The following OTOGL variants were observed in gnomAD, a reference collection of about 807,000 sequenced individuals.
OTOGL encodes otogelin like, also known as otogelin-like protein.
A neutral mutation model predicts 318.5 loss-of-function variants in OTOGL; 285 were observed. The ratio of observed to expected loss-of-function variants is 0.89; its 90% CI spans 0.81 to 0.99. OTOGL has a LOEUF of 0.99. Among genes scored for constraint, OTOGL ranks in the 50% least tolerant of loss-of-function variants. OTOGL has a pLI of 0.00. For missense variants in OTOGL, 2,899 were observed against 2,845.6 expected, an observed-to-expected ratio of 1.02 and a Z score of -0.43; for synonymous variants, 987 against 936.5, an observed-to-expected ratio of 1.05 and a Z score of -0.99.
At position 80,313,575 on chromosome 12, in the gene OTOGL, G is replaced by A. The variant is rs777291867; in HGVS notation, c.3550G>A (p.Ala1184Thr). 6.2e-7 allele frequency: 1 copy of A among 1,612,324 alleles called. No individual in the cohort carries two copies. Among genetic ancestry groups the A allele is most frequent in the Non-Finnish European group, 8.5e-7 (1 of 1,178,636 alleles). Residue 1184 changes from alanine (A) to threonine (T), a missense_variant, in exon 31 of 59, where the codon GCA becomes ACA. By Grantham distance (58) the Ala-to-Thr change is moderately conservative. Transcript: ENST00000547103. ...TTTGTGCACTAGTATAGCTGCATAT[G>A]CATACAAGTGTTGTCAGGAAGGAAT... is the stretch of plus-strand genomic sequence containing the variant. ...ECLCTSIAAYAYKCCQEGISI... is the reference protein window; with the variant it reads ...ECLCTSIAAYTYKCCQEGISI...
chr12:80,152,564 C>T (rs1373398328), intron 1 of OTOGL, among the ~76,000 whole-genome samples: 2 of 152,156 alleles, frequency 1.3e-5, no homozygotes, highest in Non-Finnish European at 2.9e-5. Flanking sequence ...GTAAAACAGT[C>T]TATGGATGTA....
At chr12:80,277,590 A>G (rs1172177110) in intron 24 of OTOGL, among the ~76,000 whole-genome samples, 1 of 151,288 alleles carries the variant, frequency 6.6e-6, no homozygotes, top group Non-Finnish European at 1.5e-5. Flanking sequence ...TAACACTTGA[A>G]GGAAAACCAA....
At chr12:80,336,245 T>C (rs1042074555) in intron 39 of OTOGL, 105 bp downstream of exon 39, 32 of 1,369,346 alleles carry the variant, frequency 2.3e-5, no homozygotes, top group East Asian at 7.7e-5. Context: ...GTTACTGTTT[T>C]TGAGTTTTCA....
chr12:80,335,624 G>A (rs1284347887), intron 38 of OTOGL, among the ~76,000 whole-genome samples: 2 of 151,892 alleles, frequency 1.3e-5, no homozygotes, highest in Non-Finnish European at 2.9e-5. Context: ...TGATATACTA[G>A]CTTTGCACAA....
intron 1 of OTOGL, among the ~76,000 whole-genome samples, chr12:80,183,857 T>C (rs561152324): frequency 9.8e-5 from 15 of 152,304 alleles, no homozygotes; most frequent in South Asian, 8.3e-4. Context: ...TCTCAAATTG[T>C]AGTCATTGGA....
At chr12:80,101,937 C>T (rs949503695) in intron 1 of OTOGL, among the ~76,000 whole-genome samples, 5 of 152,116 alleles carry the variant, frequency 3.3e-5, no homozygotes, top group Non-Finnish European at 7.4e-5. Flanking sequence ...TTTTTTATTC[C>T]GGAGAAAGAG....
intron 1 of OTOGL, among the ~76,000 whole-genome samples, chr12:80,177,005 T>G (rs1874575673): frequency 6.6e-6 from 1 of 152,150 alleles, no homozygotes; most frequent in Non-Finnish European, 1.5e-5. Flanking sequence ...TTCTTTTGTT[T>G]TTCCTATTTT....
In OTOGL at chr12:80,352,573, A is replaced by G. The variant is rs114941752; in HGVS notation, c.5407+137A>G. 1.0e-3 allele frequency: 720 copies of G among 712,498 alleles called. 4 individuals carry two copies. The African/African-American group carries it at 0.012, about 12-fold the overall frequency. 44.1% of individuals were successfully genotyped at this position (712,498 alleles called of 1,614,324 possible). On this transcript the variant is annotated intron_variant, in intron 45 of 58. Coordinates refer to ENST00000547103, the MANE Select transcript of OTOGL (RefSeq NM_001378609.3). Reference sequence around the variant, plus strand: ...GCACAGAAGAAGCTATGACAAACACAAGTTACATCACTTGATTTCAGAAAT... The same window carrying G: ...GCACAGAAGAAGCTATGACAAACACGAGTTACATCACTTGATTTCAGAAAT...
At chr12:80,367,868 A>AT in intron 54 of OTOGL, 129 bp downstream of exon 54, 2 of 639,988 alleles carry the variant, frequency 3.1e-6, no homozygotes, top group Non-Finnish European at 4.8e-6. Flanking sequence ...ATAGTCTACT[A>AT]TTTTGTAATA....
intron 1 of OTOGL, among the ~76,000 whole-genome samples, chr12:80,143,561 C>T (rs913711026): frequency 5.3e-5 from 8 of 152,220 alleles, no homozygotes; most frequent in Non-Finnish European, 1.2e-4. Flanking sequence ...CCTGTGGAGT[C>T]GTGTATAGTT....
intron 11 of OTOGL, among the ~76,000 whole-genome samples, chr12:80,240,076 GAAT>G (rs531790515): frequency 7.6e-4 from 116 of 152,088 alleles, no homozygotes; most frequent in African/African-American, 2.7e-3. Context: ...TTTTATGGCT[GAAT>G]AATATTCCAT....
intron 44 of OTOGL, among the ~76,000 whole-genome samples, chr12:80,349,348 T>G (rs1889397731): frequency 6.6e-6 from 1 of 152,196 alleles, no homozygotes; most frequent in Non-Finnish European, 1.5e-5. Context: ...GTTGTTACTA[T>G]TAACGCTATT....
chr12:80,285,136 T>A (rs1433690065), intron 26 of OTOGL, among the ~76,000 whole-genome samples: 1 of 152,176 alleles, frequency 6.6e-6, no homozygotes, highest in Non-Finnish European at 1.5e-5. Flanking sequence ...TAATAGGGAA[T>A]CCTTTCCCTA....
rs1387168384 is a variant in OTOGL at position 80,270,408 on chromosome 12, CTGCCTACCACAGG to C, written c.2518+255_2518+267del. Among the ~76,000 whole-genome samples the C allele has an allele frequency of 5.9e-5, 9 of 152,268 alleles. No homozygotes were observed. In the East Asian group the frequency reaches 1.7e-3, roughly 29 times the overall value. On this transcript the variant is annotated intron_variant, in intron 23 of 58. Coordinates refer to ENST00000547103, the MANE Select transcript of OTOGL (RefSeq NM_001378609.3). ...TCAACCCAGGGATGCTGCCTAGATG[CTGCCTACCACAGG>C]ACCACCTCAGGCATCCCAAGGACTT... is the stretch of plus-strand genomic sequence containing the variant.
chr12:80,229,209 G>T lies in OTOGL; in HGVS notation c.490-48G>T, dbSNP rs1388605317. On this transcript the variant is annotated intron_variant, in intron 7 of 58. Coordinates refer to ENST00000547103, the MANE Select transcript of OTOGL (RefSeq NM_001378609.3). ...CATACATTGTGGTTTTAATAACTCA[G>T]ATTTATTGTTTGTTCCTATGCTTTC... The T allele has an allele frequency of 2.6e-6, 4 of 1,563,842 alleles. No homozygotes were observed. In the South Asian group the frequency reaches 4.5e-5, roughly 17 times the overall value.
At chr12:80,375,744 G>A (rs1242241978) in intron 57 of OTOGL, among the ~76,000 whole-genome samples, 2 of 152,128 alleles carry the variant, frequency 1.3e-5, no homozygotes, top group Non-Finnish European at 2.9e-5. Context: ...ATAGGTCATG[G>A]TAAAGATGAT....
chr12:80,377,897 A>T lies in OTOGL; in HGVS notation c.6911A>T (p.Asn2304Ile), dbSNP rs772165865. ...AAATGCCCATCAGCTACCATATATA[A>T]CATCAATATTGAAAGTCACCTAAGA... ...DGKCPSATIY[N>I]INIESHLRFC... Residue 2304 changes from asparagine to isoleucine, a missense_variant, in exon 59 of 59, where the codon AAC becomes ATC. This residue lies in a region of OTOGL where 289 missense variants were observed against 304.6 expected (regional missense o/e 0.95). Transcript: ENST00000547103. 1.9e-6 allele frequency: 3 copies of T among 1,611,844 alleles called. No individual in the cohort carries two copies. In the Admixed American group the frequency reaches 5.0e-5, roughly 27 times the overall value.
chr12:80,263,484 T>C (rs1267442301), intron 19 of OTOGL, among the ~76,000 whole-genome samples: 4 of 152,130 alleles, frequency 2.6e-5, no homozygotes, highest in Non-Finnish European at 5.9e-5. Flanking sequence ...CCCATGTCTT[T>C]TAAATATATA....
intron 1 of OTOGL, among the ~76,000 whole-genome samples, chr12:80,139,998 A>C (rs1297208929): frequency 6.6e-6 from 1 of 152,160 alleles, no homozygotes; most frequent in Non-Finnish European, 1.5e-5. Context: ...AGACATCATC[A>C]TTCTCTTACC....
Sources: gnomAD v4.1 joint callset for allele counts (sites outside exome capture counted in the v4.1 genomes callset) on GRCh38, gnomAD v4.1.1 for gene constraint, gnomAD v4.1.1 regional missense constraint, MANE v1.5 for transcripts, NCBI Gene and HGNC (gene_info 2026-07-23, HGNC 2026-07-21) for gene names.